Variants in LRP1B observed in about 807,000 individuals in gnomAD.
LRP1B encodes LDL receptor related protein 1B.
LRP1B carries 217 observed loss-of-function variants against 556.6 expected under a neutral mutation model. The ratio of observed to expected loss-of-function variants is 0.39; its 90% CI spans 0.35 to 0.44. The LOEUF is 0.44. LRP1B is among the 20% of genes least tolerant of loss of function. LRP1B has a pLI of 1.00. For missense variants in LRP1B, 5,053 were observed against 5,620.8 expected, an observed-to-expected ratio of 0.90 and a Z score of 3.23; for synonymous variants, 2,047 against 1,865.8, an observed-to-expected ratio of 1.10 and a Z score of -2.50.
chr2:141,553,474 T>C (rs2105233441), intron 2 of LRP1B, among the ~76,000 whole-genome samples: 1 of 151,430 alleles, frequency 6.6e-6, no homozygotes, highest in African/African-American at 2.4e-5. Flanking sequence ...GGACAAATTA[T>C]CCCAAATTTT....
intron 3 of LRP1B, among the ~76,000 whole-genome samples, chr2:141,410,152 G>A (rs890592109): frequency 2.0e-5 from 3 of 152,052 alleles, no homozygotes; most frequent in South Asian, 4.2e-4. Flanking sequence ...TATGGCTTCC[G>A]ACACCCAAGA....
intron 1 of LRP1B, among the ~76,000 whole-genome samples, chr2:142,025,852 T>C (rs1036251303): frequency 6.6e-6 from 1 of 152,122 alleles, no homozygotes; most frequent in Non-Finnish European, 1.5e-5. Context: ...GCTCCATGCA[T>C]TTTAAGAGAA....
chr2:142,115,853 TAC>T (rs202226120), intron 1 of LRP1B, among the ~76,000 whole-genome samples: 936 of 2,426 alleles, frequency 0.39, 414 homozygotes, highest in South Asian at 0.57. Context: ...TATATATATA[TAC>T]ATATATATAT....
chr2:140,293,678 C>A (rs911705955), intron 84 of LRP1B, among the ~76,000 whole-genome samples: 3 of 152,080 alleles, frequency 2.0e-5, no homozygotes, highest in African/African-American at 7.2e-5. Flanking sequence ...ACCTTGTCGG[C>A]TTACATCTAA....
At chr2:140,852,187 C>T (rs1559156672) in intron 27 of LRP1B, among the ~76,000 whole-genome samples, 2 of 152,116 alleles carry the variant, frequency 1.3e-5, no homozygotes, top group African/African-American at 2.4e-5. Flanking sequence ...ATTTGCCGAG[C>T]GTGGTGACAC....
intron 47 of LRP1B, among the ~76,000 whole-genome samples, chr2:140,532,320 C>T (rs1447390435): frequency 6.6e-6 from 1 of 152,028 alleles, no homozygotes; most frequent in East Asian, 1.9e-4. Flanking sequence ...TGAGTTACTT[C>T]ACATGGCACA....
At chr2:141,763,369 G>T (rs977974614) in intron 2 of LRP1B, among the ~76,000 whole-genome samples, 3 of 151,840 alleles carry the variant, frequency 2.0e-5, no homozygotes, top group African/African-American at 7.3e-5. Flanking sequence ...AGAGATTATT[G>T]GGCTTAAAAT....
At chr2:141,817,302 A>T (rs1180135224) in intron 1 of LRP1B, among the ~76,000 whole-genome samples, 2 of 152,118 alleles carry the variant, frequency 1.3e-5, no homozygotes, top group South Asian at 4.1e-4. Context: ...CCTAAGGAAG[A>T]AGATCAAAGC....
At chr2:140,524,365 T>C (rs939066655) in intron 49 of LRP1B, among the ~76,000 whole-genome samples, 1 of 151,952 alleles carries the variant, frequency 6.6e-6, no homozygotes, top group African/African-American at 2.4e-5. Context: ...ACTTATACAC[T>C]GTTGATCGGA....
At chr2:141,323,274 A>G (rs559883146) in intron 3 of LRP1B, among the ~76,000 whole-genome samples, 109 of 152,196 alleles carry the variant, frequency 7.2e-4, no homozygotes, top group African/African-American at 2.5e-3. Flanking sequence ...ATTCCTCAAA[A>G]CAAAAATAGA....
rs144625655 is a variant in LRP1B, at chr2:141,951,851, T to G, written c.83-141450A>C. On this transcript the variant is annotated intron_variant, in intron 1 of 90. Coordinates refer to ENST00000389484, the MANE Select transcript of LRP1B (RefSeq NM_018557.3). ...AGTTCAGAAGAATTTTTTTTTAATT[T>G]GCTTTTTTTAAATTAAGTTTCTAGG... is the stretch of plus-strand genomic sequence containing the variant. Among the ~76,000 whole-genome samples the G allele has an allele frequency of 2.6e-3, 403 of 152,274 alleles. 3 individuals are homozygous for G. The highest frequency in any genetic ancestry group is 9.4e-3 in the African/African-American group (391 of 41,562).
intron 41 of LRP1B, among the ~76,000 whole-genome samples, chr2:140,641,566 T>G (rs1231375050): frequency 1.3e-5 from 2 of 152,178 alleles, no homozygotes; most frequent in Non-Finnish European, 2.9e-5. Context: ...CAAATATACC[T>G]TCCTAAAATC....
At chr2:141,594,188 G>A (rs535685238) in intron 2 of LRP1B, among the ~76,000 whole-genome samples, 1 of 152,130 alleles carries the variant, frequency 6.6e-6, no homozygotes, top group African/African-American at 2.4e-5. Flanking sequence ...CTGTGCCCCA[G>A]TTTCCTTCTT....
intron 43 of LRP1B, among the ~76,000 whole-genome samples, chr2:140,554,534 G>T (rs1258639805): frequency 6.6e-6 from 1 of 151,692 alleles, no homozygotes; most frequent in Non-Finnish European, 1.5e-5. Flanking sequence ...TTTTTCTTTG[G>T]GAATCCTCCT....
chr2:141,604,339 G>T (rs758091471), intron 2 of LRP1B, among the ~76,000 whole-genome samples: 1 of 152,134 alleles, frequency 6.6e-6, no homozygotes, highest in Non-Finnish European at 1.5e-5. Flanking sequence ...CATGAAGCAA[G>T]CTCTGTGTAC....
intron 6 of LRP1B, among the ~76,000 whole-genome samples, chr2:141,200,237 T>C (rs1175270911): frequency 6.6e-6 from 1 of 151,314 alleles, no homozygotes; most frequent in Non-Finnish European, 1.5e-5. Context: ...AAGAAAACTA[T>C]GTAGCCACAA....
In LRP1B at chr2:140,825,834, T is replaced by C. The variant is rs367973191; in HGVS notation, c.5210-12028A>G. The stretch of plus-strand genomic sequence containing the variant: ...CAGCAGTGGATAAACTACAGAAAGG[T>C]TTGTGTTCAAAACATGTAATGCTTA... On this transcript the variant is annotated intron_variant, in intron 31 of 90. Transcript: ENST00000389484. Among the ~76,000 whole-genome samples the C allele has an allele frequency of 3.9e-4, 60 of 152,204 alleles. 1 individual carries two copies. The South Asian group carries it at 0.012, about 31-fold the overall frequency.
At chr2:141,331,831 T>C (rs1039398318) in intron 3 of LRP1B, among the ~76,000 whole-genome samples, 3 of 152,176 alleles carry the variant, frequency 2.0e-5, no homozygotes, top group South Asian at 2.1e-4. Flanking sequence ...GCAAAGTTTA[T>C]GGAGAATTGT....
At chr2:141,805,486 T>A (rs896912120) in intron 2 of LRP1B, 1 of 152,132 alleles carries the variant, frequency 6.6e-6, no homozygotes. Context: ...CCATATTGCA[T>A]CAGTCTGGCA....
Sources: allele counts gnomAD v4.1 joint callset (sites outside exome capture counted in the v4.1 genomes callset), GRCh38; gene constraint gnomAD v4.1.1; transcripts MANE v1.5; gene names NCBI Gene and HGNC (gene_info 2026-07-23, HGNC 2026-07-21).